PTGIS: variants seen among roughly 807,000 people sequenced by gnomAD.
The protein encoded by PTGIS is prostaglandin I2 synthase, also known as prostacyclin synthase.
A neutral mutation model predicts 50.3 loss-of-function variants in PTGIS; 45 were observed. That is an observed-to-expected ratio of 0.90 (90% CI 0.70 to 1.15). The LOEUF (loss-of-function observed/expected upper bound fraction) is 1.15. Among genes scored for constraint, PTGIS ranks in the 50% most tolerant of loss-of-function variants. The pLI is 0.00. For missense variants in PTGIS, 668 were observed against 661.3 expected (o/e 1.01, Z -0.11); for synonymous variants, 260 against 267.7 (o/e 0.97, Z 0.28).
In PTGIS at chr20:49,503,925, T is replaced by G. The variant is rs1428257560; in HGVS notation, c.*3995A>C. On this transcript the variant is annotated 3_prime_UTR_variant, in exon 10 of 10. Coordinates refer to ENST00000244043, the MANE Select transcript of PTGIS (RefSeq NM_000961.4). The stretch of plus-strand genomic sequence containing the variant: ...ATTTCAGCATGTTTCCACTTGACAA[T>G]GTTATACGAAAATAGAATCTTTATT... 1 of 152,272 alleles carries G rather than the reference T, an allele frequency of 6.6e-6. No individual in the cohort carries two copies. 9.4% of individuals were successfully genotyped at this position (152,272 alleles called of 1,614,324 possible). A position where few individuals can be genotyped will look rare whatever the true frequency, so the allele number is the denominator to read the frequency against.
chr20:49,528,669 A>C (rs1040070823), intron 5 of PTGIS, among the ~76,000 whole-genome samples: 1 of 152,196 alleles, frequency 6.6e-6, no homozygotes, highest in African/African-American at 2.4e-5. Flanking sequence ...ATCATGGATC[A>C]AATCAGTTTA....
At chr20:49,529,126 G>T (rs77388511) in intron 5 of PTGIS, among the ~76,000 whole-genome samples, 1 of 152,230 alleles carries the variant, frequency 6.6e-6, no homozygotes, top group East Asian at 1.9e-4. Flanking sequence ...ACACTCACAC[G>T]TGCATGCATG....
At chr20:49,531,305 A>C (rs962415503) in intron 5 of PTGIS, among the ~76,000 whole-genome samples, 4 of 152,214 alleles carry the variant, frequency 2.6e-5, no homozygotes, top group African/African-American at 9.6e-5. Context: ...AAGATTCTGG[A>C]AAACTGAGCT....
chr20:49,544,944 A>G (rs950821641), intron 3 of PTGIS, among the ~76,000 whole-genome samples: 20 of 152,200 alleles, frequency 1.3e-4, no homozygotes, highest in African/African-American at 3.9e-4. Flanking sequence ...CTGTTGGAAT[A>G]GCTGTGGTGT....
chr20:49,567,467 T>C (rs984676514), intron 1 of PTGIS, among the ~76,000 whole-genome samples: 5 of 152,300 alleles, frequency 3.3e-5, no homozygotes, highest in East Asian at 1.9e-4. Context: ...AGACGGGGAA[T>C]CCCGGGGTGG....
chr20:49,557,120 T>C (rs1418384233), intron 1 of PTGIS, among the ~76,000 whole-genome samples: 1 of 152,190 alleles, frequency 6.6e-6, no homozygotes, highest in African/African-American at 2.4e-5. Flanking sequence ...CTGTTTTCTT[T>C]CTCTCTTATT....
chr20:49,521,352 C>T (rs536034628), intron 6 of PTGIS, among the ~76,000 whole-genome samples: 40 of 152,264 alleles, frequency 2.6e-4, no homozygotes, highest in Admixed American at 8.5e-4. Flanking sequence ...CTCTTGGCTC[C>T]ACTCCCAAAA....
chr20:49,530,748 C>T (rs1053288696), intron 5 of PTGIS, among the ~76,000 whole-genome samples: 2 of 151,976 alleles, frequency 1.3e-5, no homozygotes, highest in Non-Finnish European at 2.9e-5. Flanking sequence ...GTCCATTTTG[C>T]AGTCAGGTTA....
chr20:49,558,168 C>T (rs957349132), intron 1 of PTGIS, among the ~76,000 whole-genome samples: 10 of 152,198 alleles, frequency 6.6e-5, no homozygotes, highest in African/African-American at 2.4e-4. Flanking sequence ...GTGGGAGGAT[C>T]TCTTGATCCT....
At chr20:49,531,401 T>A (rs1981932239) in intron 5 of PTGIS, among the ~76,000 whole-genome samples, 1 of 152,108 alleles carries the variant, frequency 6.6e-6, no homozygotes, top group Admixed American at 6.6e-5. Context: ...TGAAATGTGG[T>A]CGTGGGAAGA....
At chr20:49,510,787 A>T (rs1981296099) in intron 9 of PTGIS, among the ~76,000 whole-genome samples, 1 of 152,130 alleles carries the variant, frequency 6.6e-6, no homozygotes, top group Admixed American at 6.5e-5. Flanking sequence ...TGGAGGGAAG[A>T]ACCTGCTGCC....
Position 49,552,673 on chromosome 20 carries a change from T to C in PTGIS, c.75-2484A>G, listed in dbSNP as rs190880764. ...TCAAGAAATTGGAAGTCTAAGATAGTTGTCCTTTTTAGACCCAGGAGTCAA... is the reference window on the plus strand; with the variant it reads ...TCAAGAAATTGGAAGTCTAAGATAGCTGTCCTTTTTAGACCCAGGAGTCAA... On this transcript the variant is annotated intron_variant, in intron 1 of 9. Coordinates refer to ENST00000244043, the MANE Select transcript of PTGIS (RefSeq NM_000961.4). 1.1e-4 allele frequency among the ~76,000 whole-genome samples: 16 copies of C among 152,294 alleles called. No homozygotes were observed. In the East Asian group the frequency reaches 3.1e-3, roughly 29 times the overall value.
intron 1 of PTGIS, among the ~76,000 whole-genome samples, chr20:49,560,824 T>C (rs1416924328): frequency 6.6e-6 from 1 of 152,148 alleles, no homozygotes; most frequent in African/African-American, 2.4e-5. Context: ...ATGCTGGAGA[T>C]GACTTTGTGG....
At chr20:49,565,773 A>AC (rs1207610030) in intron 1 of PTGIS, among the ~76,000 whole-genome samples, 1 of 152,216 alleles carries the variant, frequency 6.6e-6, no homozygotes, top group Non-Finnish European at 1.5e-5. Context: ...AATGGAGATA[A>AC]CCAGAGTGTC....
chr20:49,560,397 G>A (rs1485180856), intron 1 of PTGIS, among the ~76,000 whole-genome samples: 2 of 151,650 alleles, frequency 1.3e-5, no homozygotes, highest in Non-Finnish European at 2.9e-5. Context: ...ATAGAGACAG[G>A]GTCTTGATGT....
rs756114643 is a variant in PTGIS, at chr20:49,507,944, G to T, written c.1479C>A (p.Pro493=). 1 of 1,613,000 alleles carries T rather than the reference G, an allele frequency of 6.2e-7. No individual in the cohort carries two copies. Among genetic ancestry groups the T allele is most frequent in the East Asian group, 2.2e-5 (1 of 44,880 alleles). The change falls in exon 10 of 10, where the codon CCC becomes CCA. Residue 493 remains proline, a synonymous_variant. Coordinates refer to ENST00000244043, the MANE Select transcript of PTGIS (RefSeq NM_000961.4). ...FGLMQPEHDV[P]VRYRIRP Reference sequence around the variant, plus strand: ...GTCATGGGCGGATGCGGTAGCGGACGGGCACGTCGTGTTCCGGCTGCATCA... The same window carrying T: ...GTCATGGGCGGATGCGGTAGCGGACTGGCACGTCGTGTTCCGGCTGCATCA...
In PTGIS at chr20:49,568,112, G is replaced by C. The variant is rs1982954247; in HGVS notation, c.5C>G (p.Ala2Gly). Reference protein sequence around the residue: MAWAALLGLLAA... With the variant: MGWAALLGLLAA... ...CAGGAGGCCGAGGAGCGCGGCCCAA[G>C]CCATCGCGGGGCTGGCGGGGCTGGC... Residue 2 changes from alanine (A) to glycine (G), a missense_variant, in exon 1 of 10, where the codon GCT (alanine) becomes GGT (glycine). Transcript: ENST00000244043. 1 of 1,417,068 alleles carries C rather than the reference G, an allele frequency of 7.1e-7. No individual in the cohort carries two copies. The highest frequency in any genetic ancestry group is 3.0e-5 in the Admixed American group (1 of 33,188). The allele number at this position is 1,417,068 out of a possible 1,614,324, so 87.8% of individuals were successfully genotyped here. A position where few individuals can be genotyped will look rare whatever the true frequency, so the allele number is the denominator to read the frequency against.
At chr20:49,561,300 A>C (rs1394892382) in intron 1 of PTGIS, among the ~76,000 whole-genome samples, 1 of 152,154 alleles carries the variant, frequency 6.6e-6, no homozygotes, top group Admixed American at 6.5e-5. Context: ...TGGGAGCAGA[A>C]GCAAAGATGA....
chr20:49,546,291 A>T (rs570330219), intron 3 of PTGIS, among the ~76,000 whole-genome samples: 1 of 152,192 alleles, frequency 6.6e-6, no homozygotes, highest in Non-Finnish European at 1.5e-5. Context: ...GCAGGGGCAG[A>T]TTCAGTGAGC....
Sources: allele counts gnomAD v4.1 joint callset (sites outside exome capture counted in the v4.1 genomes callset), GRCh38; gene constraint gnomAD v4.1.1; transcripts MANE v1.5; gene names NCBI Gene and HGNC (gene_info 2026-07-23, HGNC 2026-07-21).